The following BCAR1 variants were observed in gnomAD, a reference collection of about 807,000 sequenced individuals.
BCAR1 encodes the protein breast cancer anti-estrogen resistance protein 1.
In BCAR1, 30 loss-of-function variants were observed where a neutral mutation model predicts 67.6. That is an observed-to-expected ratio of 0.44 (90% confidence interval 0.33 to 0.60). The LOEUF (loss-of-function observed/expected upper bound fraction) is 0.60. Among genes scored for constraint, BCAR1 ranks in the 20% least tolerant of loss-of-function variants. The pLI is 0.02. For synonymous variants in BCAR1, 626 were observed against 556.7 expected, an observed-to-expected ratio of 1.12 and a Z score of -1.75; for missense variants, 1,313 against 1,222.3, an observed-to-expected ratio of 1.07 and a Z score of -1.11.
upstream of BCAR1, among the ~76,000 whole-genome samples, chr16:75,252,723 C>T (rs74480794): frequency 0.013 from 1,958 of 152,364 alleles, 41 homozygotes; most frequent in African/African-American, 0.044. Context: ...AATTCTCAAG[C>T]ATGGCCTATG....
chr16:75,240,252 A>C (rs183744222), intron 2 of BCAR1, among the ~76,000 whole-genome samples: 1 of 152,032 alleles, frequency 6.6e-6, no homozygotes, highest in Non-Finnish European at 1.5e-5. Flanking sequence ...CCAGCCAACC[A>C]CTACCCTGGA....
At chr16:75,261,374 G>A (rs1256703138) in intron 1 of BCAR1, among the ~76,000 whole-genome samples, 2 of 152,172 alleles carry the variant, frequency 1.3e-5, no homozygotes, top group East Asian at 3.8e-4. Flanking sequence ...TATCACCCAG[G>A]CCCCCCACTC....
intron 2 of BCAR1, chr16:75,238,391 T>G (rs926484085): frequency 2.9e-5 from 32 of 1,085,810 alleles, no homozygotes; most frequent in Non-Finnish European, 3.6e-5. Context: ...TGGGACAGGG[T>G]TGACTCAGGG....
intron 1 of BCAR1, among the ~76,000 whole-genome samples, chr16:75,259,008 G>A (rs937153705): frequency 3.3e-5 from 5 of 152,212 alleles, no homozygotes; most frequent in Non-Finnish European, 7.3e-5. Flanking sequence ...ATCCTCTCCC[G>A]CCTCCTGCTC....
At chr16:75,230,989 G>A (rs979855767) in intron 6 of BCAR1, among the ~76,000 whole-genome samples, 2 of 151,874 alleles carry the variant, frequency 1.3e-5, no homozygotes, top group Non-Finnish European at 2.9e-5. Flanking sequence ...AGTCCAGGCT[G>A]CAGTGAGCCC....
rs966840721 is a variant in BCAR1, at chr16:75,247,409, C to T, written c.12+4062G>A. On this transcript the variant is annotated intron_variant, in intron 1 of 6. Coordinates refer to ENST00000162330, the MANE Select transcript of BCAR1 (RefSeq NM_014567.5). ...TGGCCCTCATTGTGTCCCCGGGGCCCGCCTGGGCACCATATCCACCCGGGC... is the reference window on the plus strand; with the variant it reads ...TGGCCCTCATTGTGTCCCCGGGGCCTGCCTGGGCACCATATCCACCCGGGC... The T allele has an allele frequency of 3.9e-5, 6 of 153,480 alleles. No homozygotes were observed. In the South Asian group the frequency reaches 6.2e-4, roughly 16 times the overall value. The allele number at this position is 153,480 out of a possible 1,614,324, so 9.5% of individuals were successfully genotyped here. A position where few individuals can be genotyped will look rare whatever the true frequency, so the allele number is the denominator to read the frequency against.
intron 1 of BCAR1, among the ~76,000 whole-genome samples, chr16:75,243,963 T>C (rs1249069250): frequency 1.3e-5 from 2 of 152,164 alleles, no homozygotes; most frequent in African/African-American, 4.8e-5. Flanking sequence ...TGTGGGCGGT[T>C]GCAGCAAAAG....
At chr16:75,256,687 A>G (rs1045119403) in intron 1 of BCAR1, among the ~76,000 whole-genome samples, 1 of 152,212 alleles carries the variant, frequency 6.6e-6, no homozygotes, top group African/African-American at 2.4e-5. Context: ...TGCCTGCCTC[A>G]GAGAGGGGCT....
At chr16:75,234,139 T>G (rs1160080477) in intron 5 of BCAR1, among the ~76,000 whole-genome samples, 1 of 142,348 alleles carries the variant, frequency 7.0e-6, no homozygotes, top group African/African-American at 2.7e-5. Context: ...ACACACAGAC[T>G]GGCACGTGCA....
chr16:75,236,543 G>A (rs1257964837), intron 4 of BCAR1: 4 of 428,958 alleles, frequency 9.3e-6, no homozygotes. Context: ...GCCCAGGACA[G>A]TGCTGGTTTG....
In BCAR1 at chr16:75,267,921, G is replaced by GGGACC; in HGVS notation, c.59_60insGGTCC (p.Cys20TrpfsTer31). 1.2e-6 allele frequency: 2 copies of GGGACC among 1,602,276 alleles called. No individual in the cohort carries two copies. Among genetic ancestry groups the GGGACC allele is most frequent in the Non-Finnish European group, 1.7e-6 (2 of 1,175,462 alleles). On this transcript the variant is annotated frameshift_variant, in exon 1 of 7. Transcript: ENST00000393422. LOFTEE classifies it high-confidence loss of function. ...GGCTAGAGCCCTCACTTACTCTGAGGCAGGGATCCTTGGGTGTGGGCCTGG... is the reference window on the plus strand; with the variant it reads ...GGCTAGAGCCCTCACTTACTCTGAGGGGACCCAGGGATCCTTGGGTGTGGGCCTGG...
Position 75,264,541 on chromosome 16 carries a change from C to T in BCAR1, c.66+3374G>A, listed in dbSNP as rs575078357. ...TTTCTGAAGACGAGACGATTATGCTCTGAACCAGAACGGATGGCGGGGCTC... is the reference window on the plus strand; with the variant it reads ...TTTCTGAAGACGAGACGATTATGCTTTGAACCAGAACGGATGGCGGGGCTC... On this transcript the variant is annotated intron_variant, in intron 1 of 6. Coordinates refer to the BCAR1 transcript ENST00000393422. The T allele has an allele frequency of 8.3e-5, 115 of 1,389,328 alleles. No homozygotes were observed. In the African/African-American group the frequency reaches 1.5e-3, roughly 18 times the overall value. 86.1% of individuals were successfully genotyped at this position (1,389,328 alleles called of 1,614,324 possible). A position where few individuals can be genotyped will look rare whatever the true frequency, so the allele number is the denominator to read the frequency against.
chr16:75,264,185 G>A, intron 1 of BCAR1: 2 of 1,331,360 alleles, frequency 1.5e-6, no homozygotes, highest in Non-Finnish European at 1.9e-6. Context: ...GCTGCCCAAA[G>A]TCCTGTAAGG....
intron 1 of BCAR1, chr16:75,265,756 G>GCGGGCGGGGCGAGGTCGCAGC (rs1224508291): frequency 8.4e-7 from 1 of 1,194,566 alleles, no homozygotes; most frequent in Non-Finnish European, 1.0e-6. Flanking sequence ...CAGGCCCGCA[G>GCGGGCGGGGCGAGGTCGCAGC]CGGGCGGGGC....
At chr16:75,239,111 T>C (rs2077244942) in intron 2 of BCAR1, 1 of 985,248 alleles carries the variant, frequency 1.0e-6, no homozygotes, top group African/African-American at 1.7e-5. Context: ...CAAATGTTTC[T>C]GTTAGAAAAA....
intron 6 of BCAR1, among the ~76,000 whole-genome samples, chr16:75,232,030 T>C (rs141182030): frequency 0.03 from 4,557 of 151,882 alleles, 97 homozygotes; most frequent in Middle Eastern, 0.1. Flanking sequence ...TACAGGCATG[T>C]GCCACCATGC....
chr16:75,233,410 C>G (rs2076971233), intron 6 of BCAR1, among the ~76,000 whole-genome samples: 1 of 151,846 alleles, frequency 6.6e-6, no homozygotes, highest in African/African-American at 2.4e-5. Flanking sequence ...GGGTACAATA[C>G]AAACATTCAA....
At chr16:75,259,850 T>TA (rs144448216) in intron 1 of BCAR1, among the ~76,000 whole-genome samples, 37,354 of 72,972 alleles carry the variant, frequency 0.51, 9,807 homozygotes, top group Non-Finnish European at 0.58. Flanking sequence ...AGACTCCATC[T>TA]AAAAAAAAAA....
In BCAR1 at chr16:75,237,258, C is replaced by A; in HGVS notation, c.720G>T (p.Leu240=). 1 of 1,527,320 alleles carries A rather than the reference C, an allele frequency of 6.5e-7. No individual in the cohort carries two copies. The highest frequency in any genetic ancestry group is 1.3e-5 in the South Asian group (1 of 78,690). The allele number at this position is 1,527,320 out of a possible 1,614,324, so 94.6% of individuals were successfully genotyped here. ...AGATGTCCTGTGGCCCCGGGGCCAG[C>A]AGGTGTCGCGGGATGTCGTACTCGT... The part of the protein sequence containing the change: ...EQDEYDIPRH[L]LAPGPQDIYD... The change falls in exon 3 of 7, where the codon CTG becomes CTT. Residue 240 remains leucine, a synonymous_variant. Coordinates refer to ENST00000162330, the MANE Select transcript of BCAR1 (RefSeq NM_014567.5).
Sources: allele counts gnomAD v4.1 joint callset (sites outside exome capture counted in the v4.1 genomes callset), GRCh38; gene constraint gnomAD v4.1.1; transcripts MANE v1.5; gene names NCBI Gene and HGNC (gene_info 2026-07-23, HGNC 2026-07-21).